Variants in GSK3B observed in about 807,000 individuals in gnomAD.
GSK3B encodes glycogen synthase kinase-3 beta.
A neutral mutation model predicts 56.4 loss-of-function variants in GSK3B; 15 were observed. The observed-to-expected ratio is 0.27, with a 90% CI of 0.18 to 0.41. GSK3B has a LOEUF of 0.41. GSK3B is among the 10% of genes least tolerant of loss of function. GSK3B has a pLI of 1.00. For missense variants in GSK3B, 300 were observed against 513.4 expected (o/e 0.58, Z 4.02); for synonymous variants, 181 against 188.9 (o/e 0.96, Z 0.34).
intron 1 of GSK3B, among the ~76,000 whole-genome samples, chr3:120,078,816 G>A (rs950727376): frequency 6.7e-6 from 1 of 150,170 alleles, no homozygotes; most frequent in Non-Finnish European, 1.5e-5. Flanking sequence ...CCTCCCTCTG[G>A]GAGGGATTAC....
chr3:119,961,632 C>CAAAAAAA (rs1211316414), intron 2 of GSK3B, among the ~76,000 whole-genome samples: 17 of 95,858 alleles, frequency 1.8e-4, no homozygotes, highest in Non-Finnish European at 2.2e-4. Flanking sequence ...GTCTCACAAA[C>CAAAAAAA]AAAAAAAAAA....
chr3:119,846,680 C>T (rs1462703215), intron 9 of GSK3B, among the ~76,000 whole-genome samples: 1 of 152,176 alleles, frequency 6.6e-6, no homozygotes, highest in Non-Finnish European at 1.5e-5. Context: ...AATGCTTTTA[C>T]ACTGTTGGTG....
At chr3:120,066,691 T>C (rs965277872) in intron 1 of GSK3B, among the ~76,000 whole-genome samples, 4 of 152,100 alleles carry the variant, frequency 2.6e-5, no homozygotes, top group Non-Finnish European at 5.9e-5. Flanking sequence ...TAGATTGGGG[T>C]CAGCACACTT....
At position 119,916,091 on chromosome 3, in the gene GSK3B, G is replaced by A. The variant is rs973012270; in HGVS notation, c.561C>T (p.Leu187=). 26 of 1,613,206 alleles carry A rather than the reference G, an allele frequency of 1.6e-5. No individual in the cohort carries two copies. The highest frequency in any genetic ancestry group is 2.1e-5 in the Non-Finnish European group (25 of 1,179,436). ...ATACAGCAGTATCAGGATCCAACAAGAGGTTCTGCGGTTTAATATCCCGAT... is the reference window on the plus strand; with the variant it reads ...ATACAGCAGTATCAGGATCCAACAAAAGGTTCTGCGGTTTAATATCCCGAT... ...ICHRDIKPQN[L]LLDPDTAVLK... is the part of the protein sequence containing the mutation. The change falls in exon 5 of 11, where the codon CTC becomes CTT. Residue 187 remains leucine, a synonymous_variant. Coordinates refer to ENST00000264235, the MANE Select transcript of GSK3B (RefSeq NM_001146156.2).
Position 119,824,405 on chromosome 3 carries a change from T to G in GSK3B, c.*2383A>C, listed in dbSNP as rs1183500030. On this transcript the variant is annotated 3_prime_UTR_variant, in exon 11 of 11. Coordinates refer to ENST00000264235, the MANE Select transcript of GSK3B (RefSeq NM_001146156.2). ...AGAAAAGCGTGACTTTTCTCTCTTC[T>G]TTTACCCCAGTTGTGGGGGGCAACC... The G allele has an allele frequency of 4.6e-6, 1 of 218,162 alleles. No individual in the cohort carries two copies. Among genetic ancestry groups the G allele is most frequent in the African/African-American group, 2.2e-5 (1 of 44,462 alleles). 13.5% of individuals were successfully genotyped at this position (218,162 alleles called of 1,614,324 possible).
intron 1 of GSK3B, among the ~76,000 whole-genome samples, chr3:120,012,727 T>C (rs547526677): frequency 2.8e-4 from 42 of 152,346 alleles, no homozygotes; most frequent in African/African-American, 1.0e-3. Context: ...TAGAGTGCAA[T>C]GACGTGATCA....
intron 6 of GSK3B, among the ~76,000 whole-genome samples, chr3:119,908,851 A>C (rs1260105146): frequency 6.6e-6 from 1 of 152,254 alleles, no homozygotes; most frequent in Non-Finnish European, 1.5e-5. Context: ...ATGGTGGGTA[A>C]AACTGCTGGC....
intron 10 of GSK3B, among the ~76,000 whole-genome samples, chr3:119,830,085 G>A (rs2055574962): frequency 6.6e-6 from 1 of 152,150 alleles, no homozygotes; most frequent in Non-Finnish European, 1.5e-5. Context: ...AAAAGGCAAA[G>A]TTCTATAAAT....
chr3:119,866,875 A>G (rs1477145735), intron 8 of GSK3B, among the ~76,000 whole-genome samples: 1 of 152,228 alleles, frequency 6.6e-6, no homozygotes, highest in African/African-American at 2.4e-5. Context: ...GAGGCACAGT[A>G]AAGAAACATT....
rs111845091 is a variant in GSK3B at position 119,888,603 on chromosome 3, C to T, written c.814-12095G>A. 5.3e-5 allele frequency among the ~76,000 whole-genome samples: 8 copies of T among 151,968 alleles called. No individual in the cohort carries two copies. The South Asian group carries it at 6.2e-4, about 12-fold the overall frequency. ...CACGTGTGTTTGAACAATATGAAAT[C>T]GGTGCACCTTGAAAAAGAACAGAAT... On this transcript the variant is annotated intron_variant, in intron 7 of 10. Coordinates refer to ENST00000264235, the MANE Select transcript of GSK3B (RefSeq NM_001146156.2).
At chr3:119,948,700 T>TTTTG (rs752305896) in intron 2 of GSK3B, among the ~76,000 whole-genome samples, 8 of 152,154 alleles carry the variant, frequency 5.3e-5, no homozygotes, top group African/African-American at 9.7e-5. Flanking sequence ...TACTTTGTTT[T>TTTTG]TTTGTTTGTT....
At chr3:119,830,214 G>T (rs1405033711) in intron 10 of GSK3B, among the ~76,000 whole-genome samples, 1 of 152,236 alleles carries the variant, frequency 6.6e-6, no homozygotes, top group Non-Finnish European at 1.5e-5. Flanking sequence ...GGTAAAGTAG[G>T]AGGAGCTGAC....
At chr3:119,836,362 C>T (rs912386947) in intron 10 of GSK3B, among the ~76,000 whole-genome samples, 3 of 152,090 alleles carry the variant, frequency 2.0e-5, no homozygotes, top group Non-Finnish European at 4.4e-5. Flanking sequence ...TATCATGACT[C>T]CCCCTTCTGT....
intron 4 of GSK3B, among the ~76,000 whole-genome samples, chr3:119,918,550 G>A (rs2056805066): frequency 6.6e-6 from 1 of 151,974 alleles, no homozygotes; most frequent in African/African-American, 2.4e-5. Context: ...TTAATTCTTA[G>A]AAACTCAAAT....
chr3:120,054,657 A>G (rs1170808597), intron 1 of GSK3B, among the ~76,000 whole-genome samples: 1 of 152,052 alleles, frequency 6.6e-6, no homozygotes, highest in Non-Finnish European at 1.5e-5. Flanking sequence ...TTCTCCTACT[A>G]AAAATTCTCA....
chr3:119,906,864 G>A (rs2056687634), intron 6 of GSK3B, among the ~76,000 whole-genome samples: 1 of 152,050 alleles, frequency 6.6e-6, no homozygotes, highest in African/African-American at 2.4e-5. Context: ...GTGGTGAGAT[G>A]TACTATCAAG....
intron 9 of GSK3B, among the ~76,000 whole-genome samples, chr3:119,848,744 A>G (rs1386533165): frequency 6.6e-6 from 1 of 152,222 alleles, no homozygotes; most frequent in East Asian, 1.9e-4. Flanking sequence ...ATACTAAATG[A>G]TATCAGATTG....
Position 119,825,674 on chromosome 3 carries a change from T to C in GSK3B, c.*1114A>G, listed in dbSNP as rs1047626466. 8.8e-6 allele frequency: 2 copies of C among 226,740 alleles called. No individual in the cohort carries two copies. Among genetic ancestry groups the C allele is most frequent in the Admixed American group, 5.7e-5 (1 of 17,542 alleles). The allele number at this position is 226,740 out of a possible 1,614,324, so 14.0% of individuals were successfully genotyped here. A position where few individuals can be genotyped will look rare whatever the true frequency, so the allele number is the denominator to read the frequency against. On this transcript the variant is annotated 3_prime_UTR_variant, in exon 11 of 11. Coordinates refer to ENST00000264235, the MANE Select transcript of GSK3B (RefSeq NM_001146156.2). ...TAAAAAACAAATTAAATACAGATTC[T>C]AGATTTGGATTTAAAATTAGAACTA...
chr3:119,934,384 C>G (rs943036776), intron 3 of GSK3B, among the ~76,000 whole-genome samples: 3 of 152,134 alleles, frequency 2.0e-5, no homozygotes, highest in African/African-American at 7.2e-5. Flanking sequence ...ATTAAAAAAG[C>G]AGACAAACTC....
Sources: allele counts gnomAD v4.1 joint callset (sites outside exome capture counted in the v4.1 genomes callset), GRCh38; gene constraint gnomAD v4.1.1; transcripts MANE v1.5; gene names NCBI Gene and HGNC (gene_info 2026-07-23, HGNC 2026-07-21).